The following MERTK variants were observed in gnomAD, a reference collection of about 807,000 sequenced individuals.
MERTK encodes the protein tyrosine-protein kinase Mer.
MERTK carries 69 observed loss-of-function variants against 99.3 expected under a neutral mutation model. That is an observed-to-expected ratio of 0.70 (90% CI 0.57 to 0.85). The LOEUF (loss-of-function observed/expected upper bound fraction) is 0.85, where lower values mean the gene tolerates loss of function less well. Ranked by LOEUF, MERTK falls within the 40% of genes least tolerant of loss-of-function variation. MERTK has a pLI of 0.00. For synonymous variants in MERTK, 426 were observed against 467.6 expected (o/e 0.91, Z 1.15); for missense variants, 1,125 against 1,249.4 (o/e 0.90, Z 1.50).
chr2:111,964,836 G>C (rs1007279115), intron 4 of MERTK, among the ~76,000 whole-genome samples: 3 of 152,254 alleles, frequency 2.0e-5, no homozygotes, highest in Admixed American at 6.5e-5. Context: ...TGTATGTACT[G>C]GGGGGTTAGG....
intron 2 of MERTK, among the ~76,000 whole-genome samples, chr2:111,944,532 T>TATTCCTTATAATAATTCCTCTGTTTTA: frequency 6.6e-6 from 1 of 152,294 alleles, no homozygotes. Flanking sequence ...TTTAAGGAAT[T>TATTCCTTATAATAATTCCTCTGTTTTA]AGCTCACACA....
chr2:111,919,886 C>G (rs1273222603), intron 1 of MERTK, among the ~76,000 whole-genome samples: 3 of 148,526 alleles, frequency 2.0e-5, no homozygotes, highest in Non-Finnish European at 4.4e-5. Context: ...GCCCCTTGTG[C>G]TTTTGCTCAG....
chr2:112,024,340 T>C (rs13419523), intron 18 of MERTK, among the ~76,000 whole-genome samples: 16,094 of 152,264 alleles, frequency 0.11, 1,061 homozygotes, highest in African/African-American at 0.19. Context: ...TTGTGGTTTT[T>C]AGAGCCAAAA....
At chr2:111,973,796 A>T (rs1179932542) in intron 6 of MERTK, among the ~76,000 whole-genome samples, 3 of 152,106 alleles carry the variant, frequency 2.0e-5, no homozygotes, top group African/African-American at 7.2e-5. Context: ...ATGCGAGGAA[A>T]GAGATGGAAG....
At chr2:111,970,641 CCTT>C (rs1558791301) in intron 6 of MERTK, among the ~76,000 whole-genome samples, 2 of 152,060 alleles carry the variant, frequency 1.3e-5, no homozygotes, top group Admixed American at 6.6e-5. Flanking sequence ...GTAATATTGA[CCTT>C]CTAGAATAAG....
intron 1 of MERTK, among the ~76,000 whole-genome samples, chr2:111,903,151 G>A (rs1374027580): frequency 1.3e-5 from 2 of 152,136 alleles, no homozygotes; most frequent in Admixed American, 6.6e-5. Flanking sequence ...CAGGGCTGCT[G>A]TCTTTTTCAC....
At chr2:111,954,925 T>G (rs1046706749) in intron 4 of MERTK, among the ~76,000 whole-genome samples, 6 of 152,220 alleles carry the variant, frequency 3.9e-5, no homozygotes, top group African/African-American at 1.4e-4. Context: ...AATTAATTTT[T>G]TTTTAATTTT....
chr2:111,977,759 C>T (rs1676283282), intron 7 of MERTK, among the ~76,000 whole-genome samples: 1 of 152,090 alleles, frequency 6.6e-6, no homozygotes, highest in African/African-American at 2.4e-5. Context: ...TTTATCTCTA[C>T]ATTTTATTTT....
At chr2:112,010,377 C>G in intron 15 of MERTK, 1 of 326,898 alleles carries the variant, frequency 3.1e-6, no homozygotes, top group Non-Finnish European at 6.0e-6. Context: ...GCCGCATACT[C>G]CCCAGAGCTT....
At chr2:111,927,375 TTCCCAGATCCCC>T (rs1684587001) in intron 1 of MERTK, among the ~76,000 whole-genome samples, 1 of 152,114 alleles carries the variant, frequency 6.6e-6, no homozygotes, top group African/African-American at 2.4e-5. Flanking sequence ...AGAGGAAAAA[TTCCCAGATCCCC>T]TCCCTTCTGC....
At chr2:111,930,303 C>G (rs1420390118) in intron 2 of MERTK, 2 of 152,712 alleles carry the variant, frequency 1.3e-5, no homozygotes, top group African/African-American at 2.4e-5. Flanking sequence ...GGATTCCCCC[C>G]ACTACCACCA....
chr2:112,006,834 G>T (rs1358805851), intron 13 of MERTK, among the ~76,000 whole-genome samples: 1 of 152,084 alleles, frequency 6.6e-6, no homozygotes. Context: ...TTTTGCAGAT[G>T]TATAGATTTT....
At chr2:111,903,587 A>G (rs1684084321) in intron 1 of MERTK, among the ~76,000 whole-genome samples, 1 of 152,252 alleles carries the variant, frequency 6.6e-6, no homozygotes, top group African/African-American at 2.4e-5. Context: ...GTTTAATCTT[A>G]ACCCAAAGCA....
intron 6 of MERTK, 51 bp downstream of exon 6, chr2:111,968,303 T>C: frequency 1.4e-6 from 2 of 1,453,698 alleles, no homozygotes; most frequent in South Asian, 2.3e-5. Flanking sequence ...TCTCTGTGGG[T>C]TTAAGGATTT....
At chr2:111,979,445 A>G (rs1455244412) in intron 7 of MERTK, among the ~76,000 whole-genome samples, 2 of 152,086 alleles carry the variant, frequency 1.3e-5, no homozygotes, top group Non-Finnish European at 2.9e-5. Context: ...TTCTGTGATA[A>G]GCTGTGATGT....
intron 18 of MERTK, among the ~76,000 whole-genome samples, chr2:112,025,539 C>T (rs1677445190): frequency 6.6e-6 from 1 of 152,140 alleles, no homozygotes; most frequent in Non-Finnish European, 1.5e-5. Flanking sequence ...GTATCCCTCC[C>T]TCCACTGCCA....
intron 13 of MERTK, among the ~76,000 whole-genome samples, chr2:112,006,810 A>G (rs1308444655): frequency 2.6e-5 from 4 of 152,210 alleles, no homozygotes; most frequent in Admixed American, 1.3e-4. Flanking sequence ...CAAAAGGAAT[A>G]GGTGAGGGCA....
At chr2:111,947,276 C>T in intron 3 of MERTK, 118 bp from the exon 4 acceptor site, 1 of 574,566 alleles carries the variant, frequency 1.7e-6, no homozygotes, top group Non-Finnish European at 3.2e-6. Flanking sequence ...CCATCCCCAC[C>T]CGCCCCCCAC....
At chr2:112,016,214 T>A (rs1249745623) in intron 15 of MERTK, among the ~76,000 whole-genome samples, 1 of 152,224 alleles carries the variant, frequency 6.6e-6, no homozygotes, top group East Asian at 1.9e-4. Context: ...TGTAATCTTA[T>A]ATCCTTTTGA....
Sources: gnomAD v4.1 joint callset for allele counts (sites outside exome capture counted in the v4.1 genomes callset) on GRCh38, gnomAD v4.1.1 for gene constraint, MANE v1.5 for transcripts, NCBI Gene and HGNC (gene_info 2026-07-23, HGNC 2026-07-21) for gene names.